PDZK1: variants seen among roughly 807,000 people sequenced by gnomAD.
PDZK1 encodes the protein PDZ domain containing 1, also known as Na(+)/H(+) exchange regulatory cofactor NHE-RF3.
PDZK1 carries 23 observed loss-of-function variants against 38.1 expected under a neutral mutation model. That is an observed-to-expected ratio of 0.60 (90% CI 0.43 to 0.85). PDZK1 has a LOEUF of 0.85. PDZK1 is among the 40% of genes least tolerant of loss of function. PDZK1 has a pLI of 0.00. For missense variants in PDZK1, 297 were observed against 504.3 expected, an observed-to-expected ratio of 0.59 and a Z score of 3.94; for synonymous variants, 98 against 186.2, an observed-to-expected ratio of 0.53 and a Z score of 3.86.
chr1:145,681,087 A>G lies in PDZK1; in HGVS notation c.618T>C (p.Arg206=), dbSNP rs782739045. The change falls in exon 5 of 9, where the codon CGT becomes CGC. Residue 206 remains arginine, a synonymous_variant. Transcript: ENST00000417171. ...VVEKVKKSGS[R]VMFLLVDKET... ...CTTTGTCCACCAGCAGGAACATGAC[A>G]CGGCTTCCTGACTTCTTCACCTGTA... 2 of 557,912 alleles carry G rather than the reference A, an allele frequency of 3.6e-6. No individual in the cohort carries two copies. The highest frequency in any genetic ancestry group is 6.2e-6 in the Non-Finnish European group (2 of 320,070). The allele number at this position is 557,912 out of a possible 1,614,324, so 34.6% of individuals were successfully genotyped here.
intron 8 of PDZK1, among the ~76,000 whole-genome samples, 185 bp downstream of exon 8, chr1:145,672,545 A>G (rs1265922132): frequency 6.6e-6 from 1 of 151,786 alleles, no homozygotes; most frequent in Non-Finnish European, 1.5e-5. Flanking sequence ...CTATGAAAGT[A>G]AGAAATTTGT....
At chr1:145,673,981 A>C in intron 6 of PDZK1, 100 bp from the exon 7 acceptor site, 1 of 951,010 alleles carries the variant, frequency 1.1e-6, no homozygotes, top group South Asian at 1.7e-5. Flanking sequence ...TACATATTCC[A>C]CTCTTCTTCT....
intron 1 of PDZK1, among the ~76,000 whole-genome samples, chr1:145,705,340 C>T (rs1470238196): frequency 6.6e-6 from 1 of 152,156 alleles, no homozygotes; most frequent in Non-Finnish European, 1.5e-5. Context: ...ATCCACCTGC[C>T]TCAGCCTCCC....
At chr1:145,692,936 G>A (rs906749897) in intron 1 of PDZK1, among the ~76,000 whole-genome samples, 1 of 151,846 alleles carries the variant, frequency 6.6e-6, no homozygotes, top group Non-Finnish European at 1.5e-5. Flanking sequence ...GCTTGAACCC[G>A]GGAGGTGGAG....
chr1:145,681,082 A>C lies in PDZK1; in HGVS notation c.623T>G (p.Met208Arg). 1 of 561,468 alleles carries C rather than the reference A, an allele frequency of 1.8e-6. No homozygotes were observed. The highest frequency in any genetic ancestry group is 3.4e-5 in the Admixed American group (1 of 29,270). 34.8% of individuals were successfully genotyped at this position (561,468 alleles called of 1,614,324 possible). A position where few individuals can be genotyped will look rare whatever the true frequency, so the allele number is the denominator to read the frequency against. The change falls in exon 5 of 9, where the codon ATG becomes AGG. Residue 208 changes from methionine (M) to arginine (R), a missense_variant. By Grantham distance (91) the Met-to-Arg change is moderately conservative (BLOSUM62 -1). Around this residue, in one of 5 missense-constraint regions of PDZK1, gnomAD observed 35 missense variants for 73.9 expected, o/e 0.47. Coordinates refer to ENST00000417171, the MANE Select transcript of PDZK1 (RefSeq NM_001201325.2). ...AGTTTCTTTGTCCACCAGCAGGAAC[A>C]TGACACGGCTTCCTGACTTCTTCAC... is the stretch of plus-strand genomic sequence containing the variant. ...EKVKKSGSRV[M>R]FLLVDKETDK...
At chr1:145,698,004 G>C (rs1397212819) in intron 1 of PDZK1, among the ~76,000 whole-genome samples, 1 of 151,808 alleles carries the variant, frequency 6.6e-6, no homozygotes, top group Non-Finnish European at 1.5e-5. Context: ...ACTGGGGTTA[G>C]CCTTGGTGAG....
chr1:145,706,219 A>G (rs1470415669), intron 1 of PDZK1, among the ~76,000 whole-genome samples: 1 of 152,214 alleles, frequency 6.6e-6, no homozygotes, highest in African/African-American at 2.4e-5. Flanking sequence ...TTCCAGTCCT[A>G]TGTTCTTTCC....
chr1:145,687,861 C>G lies in PDZK1; in HGVS notation c.161G>C (p.Arg54Thr). ...AEKAGLQDGDRVLRINGVFVD... is the reference protein window; with the variant it reads ...AEKAGLQDGDTVLRINGVFVD... ...AAAGACACCATTGATCCTAAGAACT[C>G]TGTCTCCATCTTGAAGGCCAGCCTT... Residue 54 changes from arginine to threonine, a missense_variant, in exon 2 of 9, where the codon AGA (arginine) becomes ACA (threonine). Arg to Thr is a moderately conservative substitution (Grantham distance 71). Around this residue, in one of 5 missense-constraint regions of PDZK1, gnomAD observed 159 missense variants for 200.0 expected, o/e 0.79. Transcript: ENST00000417171. The G allele has an allele frequency of 6.2e-7, 1 of 1,614,084 alleles. No homozygotes were observed. The highest frequency in any genetic ancestry group is 8.5e-7 in the Non-Finnish European group (1 of 1,179,992).
At chr1:145,685,411 G>A (rs1363748569) in intron 3 of PDZK1, among the ~76,000 whole-genome samples, 2 of 152,180 alleles carry the variant, frequency 1.3e-5, no homozygotes, top group Admixed American at 1.3e-4. Context: ...TTCACCATGT[G>A]CATTAGCACA....
chr1:145,673,405 G>A (rs1439184810), intron 7 of PDZK1, among the ~76,000 whole-genome samples: 1 of 150,490 alleles, frequency 6.6e-6, no homozygotes, highest in African/African-American at 2.4e-5. Context: ...GATAGTGACT[G>A]TCAACTAGAG....
Position 145,681,450 on chromosome 1 carries a change from A to AT in PDZK1, c.598-344dup, listed in dbSNP as rs1315238661. On this transcript the variant is annotated intron_variant, in intron 4 of 8. Transcript: ENST00000417171. ...GGTGCCCGCCACCGCACCTGGCTAAATTTTTTTTTTTTTATTTTTAGTGGA... is the reference window on the plus strand; with the variant it reads ...GGTGCCCGCCACCGCACCTGGCTAAATTTTTTTTTTTTTTATTTTTAGTGGA... Among the ~76,000 whole-genome samples the AT allele has an allele frequency of 9.0e-4, 129 of 142,564 alleles. 2 individuals are homozygous for AT. The highest frequency in any genetic ancestry group is 8.2e-3 in the South Asian group (37 of 4,526). The allele number at this position is 142,564 out of a possible 152,430, so 93.5% of individuals were successfully genotyped here.
intron 3 of PDZK1, among the ~76,000 whole-genome samples, chr1:145,684,705 G>T (rs1654598799): frequency 6.8e-6 from 1 of 147,420 alleles, no homozygotes; most frequent in Non-Finnish European, 1.5e-5. Context: ...ATACATTGTT[G>T]TTAACTACAG....
intron 1 of PDZK1, among the ~76,000 whole-genome samples, chr1:145,689,653 C>T (rs370840532): frequency 6.6e-6 from 1 of 152,184 alleles, no homozygotes; most frequent in Admixed American, 6.5e-5. Flanking sequence ...CTGCTCTTCA[C>T]ACCACCTGCA....
At chr1:145,704,212 A>G (rs1571648191) in intron 1 of PDZK1, among the ~76,000 whole-genome samples, 1 of 152,184 alleles carries the variant, frequency 6.6e-6, no homozygotes, top group African/African-American at 2.4e-5. Flanking sequence ...CAACTGGTGG[A>G]AAGTCCACGG....
In PDZK1 at chr1:145,681,309, G is replaced by A. The variant is rs1454486769; in HGVS notation, c.598-202C>T. On this transcript the variant is annotated intron_variant, in intron 4 of 8. Transcript: ENST00000417171. ...CCTTTTTTTTTTTTTTTGAGATGGA[G>A]TGTCACTCTTTCGCCCAGGCTGGAG... Among the ~76,000 whole-genome samples the A allele has an allele frequency of 1.8e-4, 26 of 143,434 alleles. 1 individual carries two copies. Among genetic ancestry groups the A allele is most frequent in the African/African-American group, 6.6e-4 (24 of 36,362 alleles). 94.1% of individuals were successfully genotyped at this position (143,434 alleles called of 152,430 possible). A position where few individuals can be genotyped will look rare whatever the true frequency, so the allele number is the denominator to read the frequency against.
rs587666248 is a variant in PDZK1, at chr1:145,692,243, CCCAAGGCAGG to C, written c.-2-4230_-2-4221del. On this transcript the variant is annotated intron_variant, in intron 1 of 8. Coordinates refer to ENST00000417171, the MANE Select transcript of PDZK1 (RefSeq NM_001201325.2). ...TGGGACCTAGGGGACTTCTTCCCAG[CCCAAGGCAGG>C]CCAAGGACTCTCAGGCCCCAGACGG... Among the ~76,000 whole-genome samples, 201 of 152,204 alleles carry C rather than the reference CCCAAGGCAGG, an allele frequency of 1.3e-3. 1 individual carries two copies. The highest frequency in any genetic ancestry group is 4.4e-3 in the African/African-American group (183 of 41,500).
intron 3 of PDZK1, among the ~76,000 whole-genome samples, chr1:145,683,332 A>C (rs1435852701): frequency 3.9e-5 from 6 of 152,258 alleles, no homozygotes; most frequent in South Asian, 2.1e-4. Flanking sequence ...TGGCCCCTTG[A>C]ACCAGAAAGC....
intron 1 of PDZK1, among the ~76,000 whole-genome samples, chr1:145,704,279 C>G (rs1347284169): frequency 6.6e-6 from 1 of 152,228 alleles, no homozygotes. Flanking sequence ...TTCTACGCAG[C>G]TTTATGAATG....
intron 8 of PDZK1, 69 bp downstream of exon 8, chr1:145,672,661 A>C: frequency 6.3e-7 from 1 of 1,577,386 alleles, no homozygotes; most frequent in Non-Finnish European, 8.6e-7. Context: ...TAGACATTAA[A>C]TATACTCATA....
Sources: gnomAD v4.1 joint callset for allele counts (sites outside exome capture counted in the v4.1 genomes callset) on GRCh38, gnomAD v4.1.1 for gene constraint, gnomAD v4.1.1 regional missense constraint, MANE v1.5 for transcripts, NCBI Gene and HGNC (gene_info 2026-07-23, HGNC 2026-07-21) for gene names.